The following TREM1 variants were observed in gnomAD, a reference collection of about 807,000 sequenced individuals.
The protein encoded by TREM1 is triggering receptor expressed on monocytes 1.
In TREM1, 16 loss-of-function variants were observed where a neutral mutation model predicts 22.4. The ratio of observed to expected loss-of-function variants is 0.71; its 90% confidence interval spans 0.48 to 1.08. The LOEUF (loss-of-function observed/expected upper bound fraction) is 1.08. Ranked by LOEUF, TREM1 falls within the 50% of genes least tolerant of loss-of-function variation. The pLI is 0.00. For synonymous variants in TREM1, 110 were observed against 111.6 expected, an observed-to-expected ratio of 0.99 and a Z score of 0.09; for missense variants, 283 against 282.9, an observed-to-expected ratio of 1.00 and a Z score of 0.00.
rs1767575501 is a variant in TREM1 at position 41,274,130 on chromosome 6, A to G, written c.*1995T>C. On this transcript the variant is annotated 3_prime_UTR_variant, in exon 4 of 4. Transcript: ENST00000244709. ...ACTTGATCTATAATAAGTTAAGCAC[A>G]CAAGCATGCACTGGACCATGCAGTG... is the stretch of plus-strand genomic sequence containing the variant. Among the ~76,000 whole-genome samples the G allele has an allele frequency of 6.6e-6, 1 of 152,260 alleles. No homozygotes were observed. The highest frequency in any genetic ancestry group is 1.5e-5 in the Non-Finnish European group (1 of 68,054).
downstream of TREM1, among the ~76,000 whole-genome samples, chr6:41,270,838 TG>T (rs1767462613): frequency 6.6e-6 from 1 of 152,158 alleles, no homozygotes; most frequent in African/African-American, 2.4e-5. Context: ...ACCACATAGC[TG>T]GGACTACAGG....
At chr6:41,271,712 C>T (rs572729958), downstream of TREM1, among the ~76,000 whole-genome samples, 5 of 152,330 alleles carry the variant, frequency 3.3e-5, no homozygotes, top group African/African-American at 1.2e-4. Flanking sequence ...GCTTCTGTTT[C>T]ATCGCCCAGT....
At chr6:41,286,544 A>G in intron 1 of TREM1, 63 bp downstream of exon 1, 2 of 1,588,544 alleles carry the variant, frequency 1.3e-6, no homozygotes, top group South Asian at 1.1e-5. Context: ...GCTTCAACAG[A>G]AAAGGGCTCC....
At chr6:41,276,338 T>C (rs1581625953) in intron 3 of TREM1, 108 bp from the exon 4 acceptor site, 1 of 783,572 alleles carries the variant, frequency 1.3e-6, no homozygotes. Context: ...CTTAGATCCT[T>C]GCTCCACCTT....
intron 1 of TREM1, among the ~76,000 whole-genome samples, chr6:41,283,889 A>G (rs1021746024): frequency 2.6e-5 from 4 of 152,152 alleles, no homozygotes; most frequent in African/African-American, 7.2e-5. Flanking sequence ...GAGATGTGAA[A>G]CTTTATTATG....
chr6:41,278,329 G>T (rs146365472), intron 3 of TREM1, among the ~76,000 whole-genome samples: 5 of 152,092 alleles, frequency 3.3e-5, no homozygotes, highest in African/African-American at 1.2e-4. Flanking sequence ...CCAGGATAGC[G>T]TCTCAGCTCT....
intron 1 of TREM1, among the ~76,000 whole-genome samples, chr6:41,284,995 A>G (rs1768098782): frequency 6.6e-6 from 1 of 152,218 alleles, no homozygotes; most frequent in African/African-American, 2.4e-5. Context: ...TCACTCACTC[A>G]TCAGACTGGC....
intron 3 of TREM1, chr6:41,279,606 A>G (rs1767820242): frequency 3.0e-6 from 3 of 984,858 alleles, no homozygotes; most frequent in Non-Finnish European, 3.6e-6. Context: ...CATAATGGGG[A>G]AAAAGGCACT....
intron 3 of TREM1, among the ~76,000 whole-genome samples, chr6:41,277,662 CT>C (rs1767725323): frequency 6.6e-6 from 1 of 152,206 alleles, no homozygotes; most frequent in Admixed American, 6.5e-5. Context: ...TACCAACCCC[CT>C]GAAGGGCCAG....
At chr6:41,279,976 A>G (rs1157538959) in intron 3 of TREM1, 2 of 978,664 alleles carry the variant, frequency 2.0e-6, no homozygotes, top group Non-Finnish European at 2.4e-6. Flanking sequence ...GAACAGGCCA[A>G]TGGTTATGTA....
chr6:41,279,813 T>C, intron 3 of TREM1: 2 of 985,488 alleles, frequency 2.0e-6, no homozygotes, highest in Non-Finnish European at 2.4e-6. Context: ...TTCCAATCTT[T>C]TGGAAGACCA....
chr6:41,281,020 A>G lies in TREM1; in HGVS notation c.540T>C (p.Thr180=). ...CAGAGTCAGGAGTGGAGACATCGGC[A>G]GTTGACTTGGGTGGAGCTTGGGTCA... ...RTVTQAPPKS[T]ADVSTPDSEI... is the part of the protein sequence containing the mutation. The change falls in exon 3 of 4, where the codon ACT becomes ACC. Residue 180 remains threonine, a synonymous_variant. Coordinates refer to ENST00000244709, the MANE Select transcript of TREM1 (RefSeq NM_018643.5). 6.2e-7 allele frequency: 1 copy of G among 1,614,246 alleles called. No homozygotes were observed. Among genetic ancestry groups the G allele is most frequent in the South Asian group, 1.1e-5 (1 of 91,086 alleles).
intron 3 of TREM1, among the ~76,000 whole-genome samples, chr6:41,277,846 C>T (rs1767731514): frequency 6.6e-6 from 1 of 152,008 alleles, no homozygotes; most frequent in African/African-American, 2.4e-5. Context: ...CCTTCCCTTC[C>T]TGGTCCCACT....
intron 2 of TREM1, chr6:41,282,100 T>G: frequency 4.0e-5 from 12 of 298,358 alleles, no homozygotes; most frequent in South Asian, 3.0e-4. Context: ...GGAGGGGGAG[T>G]CAGGACATGA....
chr6:41,283,739 C>CAT (rs1768036511), intron 1 of TREM1, among the ~76,000 whole-genome samples: 1 of 151,510 alleles, frequency 6.6e-6, no homozygotes, highest in African/African-American at 2.4e-5. Flanking sequence ...CACACACACA[C>CAT]ATACACAAAG....
chr6:41,278,417 C>A (rs1767756880), intron 3 of TREM1, among the ~76,000 whole-genome samples: 1 of 151,910 alleles, frequency 6.6e-6, no homozygotes, highest in Non-Finnish European at 1.5e-5. Context: ...CACTTGTAAT[C>A]CCAGCACTTT....
At chr6:41,270,446 AAT>A (rs68021402), downstream of TREM1, among the ~76,000 whole-genome samples, 566 of 143,854 alleles carry the variant, frequency 3.9e-3, 5 homozygotes, top group African/African-American at 6.9e-3. Context: ...GATATTATAT[AAT>A]ATATATATAT....
chr6:41,268,346 G>A (rs1285098426), intron 3 of TREM1, among the ~76,000 whole-genome samples: 1 of 152,180 alleles, frequency 6.6e-6, no homozygotes, highest in Non-Finnish European at 1.5e-5. Context: ...TTATGTTTAA[G>A]CGTATCCTTA....
chr6:41,283,053 C>A (rs1768003568), intron 1 of TREM1, among the ~76,000 whole-genome samples: 1 of 152,170 alleles, frequency 6.6e-6, no homozygotes, highest in Admixed American at 6.5e-5. Context: ...GGAGACAGAA[C>A]ATGGGATATT....
Sources: gnomAD v4.1 joint callset for allele counts (sites outside exome capture counted in the v4.1 genomes callset) on GRCh38, gnomAD v4.1.1 for gene constraint, MANE v1.5 for transcripts, NCBI Gene and HGNC (gene_info 2026-07-23, HGNC 2026-07-21) for gene names.